XKR9: variants seen among roughly 807,000 people sequenced by gnomAD.
The protein encoded by XKR9 is XK-related protein 9.
A neutral mutation model predicts 32.0 loss-of-function variants in XKR9; 32 were observed. The observed-to-expected ratio is 1.00, with a 90% CI of 0.76 to 1.34. The LOEUF (loss-of-function observed/expected upper bound fraction) is 1.34. XKR9 is among the 40% of genes most tolerant of loss of function. The pLI, the probability that XKR9 is intolerant of heterozygous loss-of-function variation, is 0.00. For synonymous variants in XKR9, 168 were observed against 143.4 expected, an observed-to-expected ratio of 1.17 and a Z score of -1.22; for missense variants, 546 against 429.7, an observed-to-expected ratio of 1.27 and a Z score of -2.39.
the XKR9 span, among the ~76,000 whole-genome samples, chr8:71,040,835 T>C: frequency 1.3e-5 from 2 of 152,182 alleles, no homozygotes; most frequent in African/African-American, 2.4e-5. Context: ...TATTCCTGTA[T>C]TGGGGGAGGA....
intron 3 of XKR9, among the ~76,000 whole-genome samples, chr8:70,697,300 G>C (rs1225852751): frequency 6.6e-6 from 1 of 151,224 alleles, no homozygotes; most frequent in Non-Finnish European, 1.5e-5. Flanking sequence ...TGCCCATTCA[G>C]TATGATATTG....
downstream of XKR9, among the ~76,000 whole-genome samples, chr8:70,736,665 C>T (rs1218852632): frequency 6.6e-6 from 1 of 152,038 alleles, no homozygotes; most frequent in Non-Finnish European, 1.5e-5. Context: ...GGAAGGGATC[C>T]AGTTTCAGCT....
chr8:70,988,112 C>T, the XKR9 span, among the ~76,000 whole-genome samples: 1 of 152,112 alleles, frequency 6.6e-6, no homozygotes, highest in Non-Finnish European at 1.5e-5. Flanking sequence ...GCCTCCAGGC[C>T]TGTGATGGGA....
At chr8:70,756,399 A>G (rs1807227014) in intron 2 of XKR9, among the ~76,000 whole-genome samples, 2 of 152,218 alleles carry the variant, frequency 1.3e-5, no homozygotes, top group Admixed American at 6.5e-5. Context: ...CTTTCTACAG[A>G]GAAATTAGCT....
intron 2 of XKR9, among the ~76,000 whole-genome samples, chr8:70,761,370 AT>A (rs567029430): frequency 6.0e-5 from 9 of 150,456 alleles, no homozygotes; most frequent in East Asian, 3.9e-4. Flanking sequence ...CCTCACCAGC[AT>A]TTTTTTTTGA....
At chr8:70,909,000 T>C in the XKR9 span, among the ~76,000 whole-genome samples, 1 of 152,152 alleles carries the variant, frequency 6.6e-6, no homozygotes, top group Admixed American at 6.6e-5. Context: ...GTTCTAAAGA[T>C]TTATTGAATA....
the XKR9 span, among the ~76,000 whole-genome samples, chr8:70,902,327 A>G: frequency 1.3e-5 from 2 of 151,994 alleles, no homozygotes; most frequent in African/African-American, 4.8e-5. Context: ...CTTTTATTTC[A>G]TTGAGCAGTG....
In XKR9 at chr8:70,704,662, G is replaced by A. The variant is rs572846923; in HGVS notation, c.273-2271G>A. 1.4e-4 allele frequency among the ~76,000 whole-genome samples: 21 copies of A among 152,280 alleles called. No individual in the cohort carries two copies. In the South Asian group the frequency reaches 4.1e-3, roughly 30 times the overall value. ...TCTGCTACCTCTCTCAATTTCTGCT[G>A]TGTGTAATAATTATGCTCTGGGTAT... is the stretch of plus-strand genomic sequence containing the variant. On this transcript the variant is annotated intron_variant, in intron 3 of 4. Coordinates refer to ENST00000408926, the MANE Select transcript of XKR9 (RefSeq NM_001011720.2).
chr8:70,806,011 A>G, the XKR9 span, among the ~76,000 whole-genome samples: 1 of 152,172 alleles, frequency 6.6e-6, no homozygotes, highest in African/African-American at 2.4e-5. Flanking sequence ...TCCTACTGGC[A>G]TCAGGTTGAT....
At chr8:70,807,961 T>G in the XKR9 span, among the ~76,000 whole-genome samples, 1 of 152,174 alleles carries the variant, frequency 6.6e-6, no homozygotes, top group African/African-American at 2.4e-5. Flanking sequence ...AGACTATATA[T>G]TCTTCTCAGT....
the XKR9 span, among the ~76,000 whole-genome samples, chr8:71,048,782 T>G: frequency 6.6e-6 from 1 of 152,246 alleles, no homozygotes; most frequent in Non-Finnish European, 1.5e-5. Context: ...AGTATTTTTC[T>G]GAAGCACGGC....
the XKR9 span, among the ~76,000 whole-genome samples, chr8:70,863,905 ATTC>A: frequency 6.6e-6 from 1 of 152,196 alleles, no homozygotes; most frequent in Non-Finnish European, 1.5e-5. Context: ...CAATGTAGTA[ATTC>A]TTTTTTCCAC....
the XKR9 span, among the ~76,000 whole-genome samples, chr8:70,831,208 T>C: frequency 1.3e-5 from 2 of 151,538 alleles, no homozygotes; most frequent in African/African-American, 2.4e-5. Context: ...GGAGAATCTC[T>C]TGAACCTGGG....
intron 2 of XKR9, among the ~76,000 whole-genome samples, chr8:70,773,152 A>C (rs973672157): frequency 6.6e-6 from 1 of 152,198 alleles, no homozygotes; most frequent in African/African-American, 2.4e-5. Flanking sequence ...GCATTCTTTC[A>C]GTGGTTATAA....
the XKR9 span, among the ~76,000 whole-genome samples, chr8:71,053,606 C>T: frequency 6.7e-6 from 1 of 149,658 alleles, no homozygotes; most frequent in African/African-American, 2.5e-5. Context: ...GACACCTACT[C>T]CCTCATCCTA....
At chr8:70,689,112 A>C (rs1272292751) in intron 3 of XKR9, among the ~76,000 whole-genome samples, 1 of 152,178 alleles carries the variant, frequency 6.6e-6, no homozygotes, top group African/African-American at 2.4e-5. Context: ...CTTATAACAG[A>C]AAAAGGGCTA....
the XKR9 span, among the ~76,000 whole-genome samples, chr8:70,903,360 T>C: frequency 6.6e-6 from 1 of 152,156 alleles, no homozygotes; most frequent in Non-Finnish European, 1.5e-5. Context: ...CCTGGTTTAG[T>C]CTTGGGAGGG....
chr8:70,962,106 G>C, the XKR9 span, among the ~76,000 whole-genome samples: 3 of 152,062 alleles, frequency 2.0e-5, no homozygotes, highest in Non-Finnish European at 4.4e-5. Context: ...TGAAATCACC[G>C]TTATTTTTAA....
chr8:70,734,560 T>C lies in XKR9; in HGVS notation c.*136T>C. ...TTAGTTCAGTGAAATAGGAGATACA[T>C]AGTAGTATTTTATTTTTAAAATTAA... On this transcript the variant is annotated 3_prime_UTR_variant, in exon 5 of 5. Coordinates refer to ENST00000408926, the MANE Select transcript of XKR9 (RefSeq NM_001011720.2). 8.9e-7 allele frequency: 1 copy of C among 1,120,212 alleles called. No homozygotes were observed. The highest frequency in any genetic ancestry group is 3.2e-5 in the East Asian group (1 of 31,348). The allele number at this position is 1,120,212 out of a possible 1,614,324, so 69.4% of individuals were successfully genotyped here.
Sources: allele counts gnomAD v4.1 joint callset (sites outside exome capture counted in the v4.1 genomes callset), GRCh38; gene constraint gnomAD v4.1.1; transcripts MANE v1.5; gene names NCBI Gene and HGNC (gene_info 2026-07-23, HGNC 2026-07-21).